FTO: variants seen among roughly 807,000 people sequenced by gnomAD.
The protein encoded by FTO is FTO alpha-ketoglutarate dependent dioxygenase.
A neutral mutation model predicts 63.9 loss-of-function variants in FTO; 47 were observed. That is an observed-to-expected ratio of 0.74 (90% CI 0.58 to 0.94). The LOEUF is 0.94. Ranked by LOEUF, FTO falls within the 40% of genes least tolerant of loss-of-function variation. The pLI, the probability that FTO is intolerant of heterozygous loss-of-function variation, is 0.00. For missense variants in FTO, 562 were observed against 618.1 expected (o/e 0.91, Z 0.96); for synonymous variants, 207 against 224.4 (o/e 0.92, Z 0.69).
intron 1 of FTO, among the ~76,000 whole-genome samples, chr16:53,772,956 T>A (rs1308950289): frequency 6.6e-6 from 1 of 152,150 alleles, no homozygotes; most frequent in Non-Finnish European, 1.5e-5. Flanking sequence ...ATTTACCACC[T>A]GTCTGCTCTC....
At chr16:53,829,989 A>C (rs2079102734) in intron 3 of FTO, among the ~76,000 whole-genome samples, 1 of 152,166 alleles carries the variant, frequency 6.6e-6, no homozygotes, top group Non-Finnish European at 1.5e-5. Flanking sequence ...ATTCAGATAC[A>C]GAAGTGATTG....
At chr16:54,025,281 C>A (rs941508756) in intron 8 of FTO, among the ~76,000 whole-genome samples, 9 of 152,186 alleles carry the variant, frequency 5.9e-5, no homozygotes, top group African/African-American at 2.2e-4. Flanking sequence ...CTAAAAATCA[C>A]AAAGGTACAC....
intron 4 of FTO, among the ~76,000 whole-genome samples, chr16:53,863,699 C>A (rs1224776954): frequency 1.3e-5 from 2 of 152,202 alleles, no homozygotes; most frequent in Non-Finnish European, 2.9e-5. Flanking sequence ...GCATAGAATG[C>A]TCGCTACAGA....
chr16:53,732,354 TG>T (rs1461588697), intron 1 of FTO, among the ~76,000 whole-genome samples: 1 of 152,114 alleles, frequency 6.6e-6, no homozygotes, highest in Non-Finnish European at 1.5e-5. Flanking sequence ...CCTGGCCCAT[TG>T]TGGTCTTCTT....
chr16:53,884,220 T>G (rs2080937197), intron 6 of FTO, among the ~76,000 whole-genome samples: 1 of 152,204 alleles, frequency 6.6e-6, no homozygotes, highest in Admixed American at 6.5e-5. Context: ...TTAGGAAAGG[T>G]TCTTGTTTAA....
At chr16:54,095,868 G>A (rs1023090726) in intron 8 of FTO, among the ~76,000 whole-genome samples, 5 of 152,208 alleles carry the variant, frequency 3.3e-5, no homozygotes, top group African/African-American at 9.7e-5. Flanking sequence ...GGTTGCAGAC[G>A]TCCATGGTCT....
chr16:53,893,590 A>G (rs2081206400), intron 7 of FTO, among the ~76,000 whole-genome samples: 1 of 152,128 alleles, frequency 6.6e-6, no homozygotes, highest in African/African-American at 2.4e-5. Flanking sequence ...TATCAAATTC[A>G]CAATGATACA....
chr16:53,881,250 A>G (rs2080825605), intron 6 of FTO, among the ~76,000 whole-genome samples: 1 of 152,224 alleles, frequency 6.6e-6, no homozygotes, highest in Non-Finnish European at 1.5e-5. Flanking sequence ...GAGGCTAGAT[A>G]ACATGTACAT....
At chr16:54,094,676 T>C (rs1367607957) in intron 8 of FTO, among the ~76,000 whole-genome samples, 1 of 152,176 alleles carries the variant, frequency 6.6e-6, no homozygotes, top group Non-Finnish European at 1.5e-5. Flanking sequence ...AGGCGAACAA[T>C]ACATCAAAGC....
At chr16:53,802,644 T>G (rs1258422054) in intron 1 of FTO, among the ~76,000 whole-genome samples, 4 of 152,214 alleles carry the variant, frequency 2.6e-5, no homozygotes, top group Non-Finnish European at 5.9e-5. Context: ...TGTCTTCCAA[T>G]CTCTCTCCTT....
chr16:53,937,987 G>A (rs1480288051), intron 8 of FTO: 1 of 152,194 alleles, frequency 6.6e-6, no homozygotes, highest in East Asian at 1.9e-4. Flanking sequence ...TCATAGTTTA[G>A]CTTCAGGAAC....
At chr16:53,792,585 CT>C (rs1404240192) in intron 1 of FTO, among the ~76,000 whole-genome samples, 1 of 152,186 alleles carries the variant, frequency 6.6e-6, no homozygotes, top group Non-Finnish European at 1.5e-5. Flanking sequence ...AGAAATCCTG[CT>C]GATCTCAAGT....
chr16:54,013,455 G>C (rs1016293268), intron 8 of FTO: 1 of 151,790 alleles, frequency 6.6e-6, no homozygotes, highest in South Asian at 2.1e-4. Flanking sequence ...AAACCGAGTT[G>C]ATGAAGCAGT....
At chr16:53,707,119 A>G (rs533367261) in intron 1 of FTO, among the ~76,000 whole-genome samples, 1 of 152,314 alleles carries the variant, frequency 6.6e-6, no homozygotes, top group South Asian at 2.1e-4. Flanking sequence ...GCTTAAAACA[A>G]CAGAAATTTA....
intron 8 of FTO, chr16:54,070,550 C>T (rs1248365118): frequency 3.9e-5 from 6 of 152,104 alleles, no homozygotes; most frequent in Non-Finnish European, 8.8e-5. Context: ...TTTAGAATAT[C>T]GTCCATTTTT....
At chr16:53,782,465 G>A (rs1386810028) in intron 1 of FTO, among the ~76,000 whole-genome samples, 1 of 152,188 alleles carries the variant, frequency 6.6e-6, no homozygotes. Context: ...AATGTCGAGA[G>A]CCAATTATTG....
chr16:53,946,819 G>GGA (rs1217409231), intron 8 of FTO, among the ~76,000 whole-genome samples: 2 of 152,130 alleles, frequency 1.3e-5, no homozygotes, highest in Admixed American at 1.3e-4. Flanking sequence ...TACGGGCCTG[G>GGA]GAGGCAACTG....
At chr16:53,834,086 G>A (rs991329911) in intron 3 of FTO, among the ~76,000 whole-genome samples, 15 of 151,600 alleles carry the variant, frequency 9.9e-5, no homozygotes, top group Non-Finnish European at 1.8e-4. Flanking sequence ...GTGCAGTGGC[G>A]CGATCTCAGC....
intron 8 of FTO, among the ~76,000 whole-genome samples, chr16:54,078,847 T>A (rs549246887): frequency 2.6e-5 from 4 of 152,128 alleles, no homozygotes; most frequent in African/African-American, 7.2e-5. Flanking sequence ...CTCAGCAACA[T>A]GGCAAAACCC....
Sources: gnomAD v4.1 joint callset for allele counts (sites outside exome capture counted in the v4.1 genomes callset) on GRCh38, gnomAD v4.1.1 for gene constraint, MANE v1.5 for transcripts, NCBI Gene and HGNC (gene_info 2026-07-23, HGNC 2026-07-21) for gene names.